Variants in TENM3 observed in about 807,000 individuals in gnomAD.
TENM3 encodes the protein teneurin-3.
TENM3 carries 63 observed loss-of-function variants against 255.1 expected under a neutral mutation model. That is an observed-to-expected ratio of 0.25 (90% CI 0.20 to 0.30). The LOEUF (loss-of-function observed/expected upper bound fraction) is 0.30, where lower values mean the gene tolerates loss of function less well. TENM3 is among the 10% of genes least tolerant of loss of function. The pLI, the probability that TENM3 is intolerant of heterozygous loss-of-function variation, is 1.00. For synonymous variants in TENM3, 1,306 were observed against 1,322.3 expected, an observed-to-expected ratio of 0.99 and a Z score of 0.27; for missense variants, 2,929 against 3,461.1, an observed-to-expected ratio of 0.85 and a Z score of 3.86.
chr4:181,685,301 A>G, the TENM3 span, among the ~76,000 whole-genome samples: 1 of 152,162 alleles, frequency 6.6e-6, no homozygotes, highest in Non-Finnish European at 1.5e-5. Flanking sequence ...TAGAGGAAAA[A>G]CTTTCAAGTG....
At chr4:181,744,373 C>G in the TENM3 span, among the ~76,000 whole-genome samples, 82 of 152,250 alleles carry the variant, frequency 5.4e-4, 2 homozygotes, top group South Asian at 0.017. Context: ...CAAATTATAT[C>G]TCTGCCTCTA....
chr4:182,793,618 A>G lies in TENM3; in HGVS notation c.6946A>G (p.Ile2316Val). ...FSSNGLMLKQ[I>V]QYTAYGEIYF... ...TAGCAATGGGCTTATGCTGAAACAG[A>G]TTCAGTACACTGCATATGGGGAAAT... Residue 2316 changes from isoleucine to valine, a missense_variant, in exon 26 of 28, where the codon ATT (isoleucine) becomes GTT (valine). Physicochemically the swap from Ile to Val is conservative, Grantham distance 29 (BLOSUM62 3). Transcript: ENST00000511685. This position sits in a 1 kb window ranked among gnomAD's most constrained non-coding sequence, Gnocchi z 5.7. The G allele has an allele frequency of 6.2e-7, 1 of 1,614,012 alleles. No homozygotes were observed. The highest frequency in any genetic ancestry group is 1.1e-5 in the South Asian group (1 of 91,084).
the TENM3 span, among the ~76,000 whole-genome samples, chr4:181,500,180 C>T: frequency 2.0e-5 from 3 of 151,926 alleles, no homozygotes; most frequent in African/African-American, 4.8e-5. Context: ...AGGCATGTGT[C>T]ACCATGCCCG....
chr4:182,095,694 AT>A, the TENM3 span, among the ~76,000 whole-genome samples: 1 of 152,136 alleles, frequency 6.6e-6, no homozygotes, highest in Non-Finnish European at 1.5e-5. Flanking sequence ...TTTATTGTGT[AT>A]TTCAACATAA....
intron 1 of TENM3, among the ~76,000 whole-genome samples, chr4:182,225,879 G>A (rs1447619016): frequency 6.6e-6 from 1 of 152,172 alleles, no homozygotes; most frequent in East Asian, 1.9e-4. Flanking sequence ...CAATCTAGCA[G>A]CAGTGGCAGC....
intron 13 of TENM3, among the ~76,000 whole-genome samples, chr4:182,722,717 A>G (rs954653144): frequency 6.6e-6 from 1 of 152,214 alleles, no homozygotes; most frequent in African/African-American, 2.4e-5. Flanking sequence ...CTCTAAGGGT[A>G]CTCTGGCTAA....
the TENM3 span, among the ~76,000 whole-genome samples, chr4:181,766,059 G>A: frequency 6.6e-6 from 1 of 152,130 alleles, no homozygotes; most frequent in African/African-American, 2.4e-5. Context: ...CGGAAAGGGT[G>A]AAAGCGTGTG....
At chr4:182,317,165 A>G (rs115517593) in intron 1 of TENM3, among the ~76,000 whole-genome samples, 3,327 of 152,314 alleles carry the variant, frequency 0.022, 51 homozygotes, top group Non-Finnish European at 0.031. Context: ...GTGTAAAGAA[A>G]ACAACCTGCC....
chr4:181,792,515 G>GA, the TENM3 span, among the ~76,000 whole-genome samples: 2 of 151,996 alleles, frequency 1.3e-5, no homozygotes, highest in Admixed American at 6.6e-5. Context: ...GATTGATAGG[G>GA]AAAAAAATAC....
the TENM3 span, among the ~76,000 whole-genome samples, chr4:182,135,640 G>A: frequency 6.6e-6 from 1 of 152,252 alleles, no homozygotes; most frequent in African/African-American, 2.4e-5. Flanking sequence ...GTCCATGACA[G>A]GCTTTGAGAA....
In TENM3 at chr4:182,324,241, T is replaced by G; in HGVS notation, c.221T>G (p.Phe74Cys). 1 of 1,612,880 alleles carries G rather than the reference T, an allele frequency of 6.2e-7. No homozygotes were observed. Among genetic ancestry groups the G allele is most frequent in the Non-Finnish European group, 8.5e-7 (1 of 1,178,854 alleles). ...KDLVHREADEFTRQGQNFTLR... is the reference protein window; with the variant it reads ...KDLVHREADECTRQGQNFTLR... Reference sequence around the variant, plus strand: ...TTGGTTCACAGAGAAGCAGACGAGTTCACTAGACAAGGTGGGTAACTGTCC... The same window carrying G: ...TTGGTTCACAGAGAAGCAGACGAGTGCACTAGACAAGGTGGGTAACTGTCC... Residue 74 changes from phenylalanine to cysteine, a missense_variant, in exon 2 of 28, where the codon TTC becomes TGC. By Grantham distance (205) the Phe-to-Cys change is radical. This residue lies in a region of TENM3 where 283 missense variants were observed against 256.9 expected (regional missense o/e 1.10). Coordinates refer to ENST00000511685, the MANE Select transcript of TENM3 (RefSeq NM_001080477.4).
chr4:181,770,563 T>C, the TENM3 span, among the ~76,000 whole-genome samples: 2 of 151,144 alleles, frequency 1.3e-5, no homozygotes, highest in African/African-American at 4.9e-5. Flanking sequence ...TAGTCCCAGC[T>C]ACTTGGGAGG....
At chr4:182,134,906 C>A in the TENM3 span, among the ~76,000 whole-genome samples, 1 of 149,844 alleles carries the variant, frequency 6.7e-6, no homozygotes, top group African/African-American at 2.5e-5. Flanking sequence ...GTCTTAAGCA[C>A]CAAAAATGAA....
chr4:182,219,083 G>A (rs528043289), intron 1 of TENM3, among the ~76,000 whole-genome samples: 3 of 152,092 alleles, frequency 2.0e-5, no homozygotes, highest in African/African-American at 2.4e-5. Context: ...TTAACTGGGC[G>A]TGGTGGCGGG....
the TENM3 span, among the ~76,000 whole-genome samples, chr4:181,600,370 G>A: frequency 6.6e-6 from 1 of 152,114 alleles, no homozygotes; most frequent in Non-Finnish European, 1.5e-5. Context: ...ACTAAGTGTT[G>A]TAAATCCTGC....
chr4:182,774,649 T>C (rs1764532810), intron 23 of TENM3, among the ~76,000 whole-genome samples: 1 of 152,194 alleles, frequency 6.6e-6, no homozygotes, highest in Non-Finnish European at 1.5e-5. Flanking sequence ...AGCTGAGCTC[T>C]CATTTCATCA....
At chr4:181,534,070 T>A in the TENM3 span, among the ~76,000 whole-genome samples, 31 of 152,150 alleles carry the variant, frequency 2.0e-4, no homozygotes, top group Non-Finnish European at 4.1e-4. Context: ...AAAACAAAAT[T>A]ATAGACACAA....
chr4:181,748,405 T>C, the TENM3 span, among the ~76,000 whole-genome samples: 1 of 152,214 alleles, frequency 6.6e-6, no homozygotes, highest in East Asian at 1.9e-4. Flanking sequence ...TAGTCCTTAG[T>C]GTTAACTTGG....
At chr4:181,941,163 G>A in the TENM3 span, among the ~76,000 whole-genome samples, 161 of 152,278 alleles carry the variant, frequency 1.1e-3, 1 homozygote, top group East Asian at 6.0e-3. Context: ...TACTAGCCAC[G>A]TATGAGATCA....
Sources: gnomAD v4.1 joint callset for allele counts (sites outside exome capture counted in the v4.1 genomes callset) on GRCh38, gnomAD v4.1.1 for gene constraint, gnomAD v4.1.1 regional missense constraint, Gnocchi (gnomAD v3.1) non-coding constraint, MANE v1.5 for transcripts, NCBI Gene and HGNC (gene_info 2026-07-23, HGNC 2026-07-21) for gene names.